The following SREBF1 variants were observed in gnomAD, a reference collection of about 807,000 sequenced individuals.
The protein encoded by SREBF1 is sterol regulatory element binding transcription factor 1.
Under a neutral mutation model 100.1 loss-of-function variants are expected in SREBF1, and 45 were observed. That is an observed-to-expected ratio of 0.45 (90% CI 0.35 to 0.58). The LOEUF is 0.58. Among genes scored for constraint, SREBF1 ranks in the 20% least tolerant of loss-of-function variants. The pLI is 0.00. For synonymous variants in SREBF1, 657 were observed against 681.8 expected (o/e 0.96, Z 0.57); for missense variants, 1,324 against 1,539.4 (o/e 0.86, Z 2.34).
intron 18 of SREBF1, 182 bp downstream of exon 18, chr17:17,813,186 C>T: frequency 1.5e-6 from 1 of 681,784 alleles, no homozygotes; most frequent in Non-Finnish European, 2.6e-6. Context: ...TCACTGCGGC[C>T]TCCAACTCCT....
intron 1 of SREBF1, among the ~76,000 whole-genome samples, chr17:17,829,030 T>C (rs1363614157): frequency 2.0e-5 from 3 of 151,340 alleles, no homozygotes; most frequent in African/African-American, 4.9e-5. Flanking sequence ...CAGCCTCTAC[T>C]AAAAATACAA....
chr17:17,818,443 GC>G (rs2033824588), intron 5 of SREBF1, 69 bp from the exon 6 acceptor site: 1 of 1,159,696 alleles, frequency 8.6e-7, no homozygotes, highest in African/African-American at 1.5e-5. Context: ...GGGTTGGAGA[GC>G]CCTAGCAAGG....
intron 13 of SREBF1, 132 bp downstream of exon 13, chr17:17,815,089 C>G (rs936352440): frequency 8.1e-7 from 1 of 1,229,146 alleles, no homozygotes; most frequent in African/African-American, 1.5e-5. Context: ...AGAGGAAACT[C>G]AGAGAGGAAT....
chr17:17,824,994 A>C lies in SREBF1; in HGVS notation c.92-4473T>G, dbSNP rs2034394217. Reference sequence around the variant, plus strand: ...TGTTCCCTCACCCCCAAAACAAAACACAGCATTGCTCTTGGCAAAGGCTCT... The same window carrying C: ...TGTTCCCTCACCCCCAAAACAAAACCCAGCATTGCTCTTGGCAAAGGCTCT... On this transcript the variant is annotated intron_variant, in intron 1 of 18. Coordinates refer to ENST00000261646, the MANE Select transcript of SREBF1 (RefSeq NM_004176.5). The surrounding 1 kb of genome is among the most constrained non-coding windows in gnomAD (Gnocchi z 4.2). Among the ~76,000 whole-genome samples, 1 of 152,100 alleles carries C rather than the reference A, an allele frequency of 6.6e-6. No individual in the cohort carries two copies. The highest frequency in any genetic ancestry group is 1.5e-5 in the Non-Finnish European group (1 of 68,004).
intron 1 of SREBF1, among the ~76,000 whole-genome samples, chr17:17,829,646 T>TTTTG (rs959518764): frequency 2.6e-5 from 4 of 152,068 alleles, no homozygotes; most frequent in Non-Finnish European, 5.9e-5. Flanking sequence ...AGCAGGTTCT[T>TTTTG]TTTGTTTGTT....
At position 17,816,006 on chromosome 17, in the gene SREBF1, C is replaced by T. The variant is rs2228461; in HGVS notation, c.2237G>A (p.Arg746His). ...GCCACTCTGTGCCAGGCAGGCCTGGCGGGCACTGCTCAGGAAGAAGCGCTG... is the reference window on the plus strand; with the variant it reads ...GCCACTCTGTGCCAGGCAGGCCTGGTGGGCACTGCTCAGGAAGAAGCGCTG... ...FLTRFFLSSA[R>H]QACLAQSGSV... Residue 746 changes from arginine to histidine, a missense_variant, in exon 12 of 19, where the codon CGC becomes CAC. Coordinates refer to ENST00000261646, the MANE Select transcript of SREBF1 (RefSeq NM_004176.5). The T allele has an allele frequency of 1.1e-5, 17 of 1,612,480 alleles. No homozygotes were observed. The highest frequency in any genetic ancestry group is 1.7e-5 in the Admixed American group (1 of 59,994).
intron 18 of SREBF1, 153 bp downstream of exon 18, chr17:17,813,215 C>A: frequency 1.3e-6 from 1 of 798,570 alleles, no homozygotes; most frequent in South Asian, 1.5e-5. Flanking sequence ...GCTGTCCTCC[C>A]AACTGAGCCT....
At chr17:17,815,037 G>A (rs556284190) in intron 13 of SREBF1, 93 bp from the exon 14 acceptor site, 4 of 1,328,518 alleles carry the variant, frequency 3.0e-6, no homozygotes, top group Non-Finnish European at 4.2e-6. Flanking sequence ...CTGGCCCCTG[G>A]CTCTGCAAAG....
Position 17,836,780 on chromosome 17 carries a change from T to C in SREBF1, c.38A>G (p.Gln13Arg). The change falls in exon 1 of 19, where the codon CAG becomes CGG. Residue 13 changes from glutamine (Q) to arginine (R), a missense_variant. Transcript: ENST00000261646. ...EPPFSEAALE[Q>R]ALGEPCDLDA... ...CAGATCGCACGGCTCGCCCAGCGCC[T>C]GCTCCAAAGCCGCCTCGCTGAAGGG... is the stretch of plus-strand genomic sequence containing the variant. The C allele has an allele frequency of 6.4e-7, 1 of 1,564,598 alleles. No homozygotes were observed.
At chr17:17,831,158 G>A (rs2034836490) in intron 1 of SREBF1, among the ~76,000 whole-genome samples, 1 of 55,466 alleles carries the variant, frequency 1.8e-5, no homozygotes, top group Admixed American at 1.5e-4. Context: ...GTTCTGTGCT[G>A]TAAGCTAGGG....
At position 17,816,196 on chromosome 17, in the gene SREBF1, A is replaced by ACCCCCCCCACCCCCGCCACCCCAC; in HGVS notation, c.2214+10_2214+11insGTGGGGTGGCGGGGGTGGGGGGGG. ...TGCAGGGATAAGCCCCCAGCCCCCC[A>ACCCCCCCCACCCCCGCCACCCCAC]ACCCACTCACTGTCAGAAAATGCAA... is the stretch of plus-strand genomic sequence containing the variant. On this transcript the variant is annotated intron_variant, in intron 11 of 18. Transcript: ENST00000261646. 9.3e-7 allele frequency: 1 copy of ACCCCCCCCACCCCCGCCACCCCAC among 1,077,040 alleles called. No homozygotes were observed. The highest frequency in any genetic ancestry group is 1.2e-6 in the Non-Finnish European group (1 of 839,678). 66.7% of individuals were successfully genotyped at this position (1,077,040 alleles called of 1,614,324 possible).
chr17:17,814,597 AACCTGCCGTGC>A lies in SREBF1; in HGVS notation c.2735+7_2735+17del. ...GCTGAGCCCGGGACCAGGCAGGAGG[AACCTGCCGTGC>A]ACTCACTCAGACTCCTGCAGCACCC... On this transcript the variant is annotated splice_region_variant and intron_variant, in intron 15 of 18. Transcript: ENST00000261646. 6.5e-7 allele frequency: 1 copy of A among 1,538,418 alleles called. No individual in the cohort carries two copies.
In SREBF1 at chr17:17,829,205, A is replaced by AATATATAT. The variant is rs71155305; in HGVS notation, c.91+7514_91+7521dup. 1.1e-3 allele frequency among the ~76,000 whole-genome samples: 74 copies of AATATATAT among 65,782 alleles called. 1 individual carries two copies. Among genetic ancestry groups the AATATATAT allele is most frequent in the African/African-American group, 6.1e-3 (69 of 11,354 alleles). 43.2% of individuals were successfully genotyped at this position (65,782 alleles called of 152,430 possible). On this transcript the variant is annotated intron_variant, in intron 1 of 18. Transcript: ENST00000261646. ...AGACTCCATCTTAAAAAAAAAAAAAAATATATATATATATATATATATATA... is the reference window on the plus strand; with the variant it reads ...AGACTCCATCTTAAAAAAAAAAAAAAATATATATATATATATATATATATATATATATA...
chr17:17,812,854 GCGCACACGAGGATGTGT>G lies in SREBF1; in HGVS notation c.3215-20_3215-4del. The G allele has an allele frequency of 2.0e-6, 3 of 1,473,822 alleles. No homozygotes were observed. The highest frequency in any genetic ancestry group is 2.7e-6 in the Non-Finnish European group (3 of 1,121,342). 91.3% of individuals were successfully genotyped at this position (1,473,822 alleles called of 1,614,324 possible). A position where few individuals can be genotyped will look rare whatever the true frequency, so the allele number is the denominator to read the frequency against. On this transcript the variant is annotated splice_polypyrimidine_tract_variant and splice_region_variant and intron_variant, in intron 18 of 18. Transcript: ENST00000261646. ...CGGCTCCAGCTCCGCCACCGCGCCT[GCGCACACGAGGATGTGT>G]CAGGGATGGGTCTCAAGCTGGCCAC...
At chr17:17,826,046 T>A (rs899577221) in intron 1 of SREBF1, among the ~76,000 whole-genome samples, 6 of 152,114 alleles carry the variant, frequency 3.9e-5, no homozygotes, top group Non-Finnish European at 7.4e-5. Flanking sequence ...CTTTAGCCCC[T>A]CCCTTGCTGT....
chr17:17,811,569 G>A lies in SREBF1; in HGVS notation c.*1053C>T, dbSNP rs1598104691. On this transcript the variant is annotated 3_prime_UTR_variant, in exon 19 of 19. Transcript: ENST00000261646. The stretch of plus-strand genomic sequence containing the variant: ...GGGGCATGAATGGAGTCAGGGAGTC[G>A]GCCTTTCACAGAACAGGAAACCTCC... 2.9e-6 allele frequency: 1 copy of A among 347,926 alleles called. No homozygotes were observed. Among genetic ancestry groups the A allele is most frequent in the Non-Finnish European group, 5.5e-6 (1 of 182,048 alleles). 21.6% of individuals were successfully genotyped at this position (347,926 alleles called of 1,614,324 possible).
rs371883515 is a variant in SREBF1, at chr17:17,814,604, C to T, written c.2735+11G>A. The T allele has an allele frequency of 1.4e-4, 222 of 1,539,058 alleles. No individual in the cohort carries two copies. Among genetic ancestry groups the T allele is most frequent in the African/African-American group, 9.6e-5 (7 of 73,038 alleles). On this transcript the variant is annotated intron_variant, in intron 15 of 18. Transcript: ENST00000261646. The stretch of plus-strand genomic sequence containing the variant: ...CCGGGACCAGGCAGGAGGAACCTGC[C>T]GTGCACTCACTCAGACTCCTGCAGC...
At chr17:17,823,798 G>C (rs923197979) in intron 1 of SREBF1, among the ~76,000 whole-genome samples, 1 of 151,242 alleles carries the variant, frequency 6.6e-6, no homozygotes, top group Admixed American at 6.6e-5. Context: ...GCCTCGCTAG[G>C]GCCCGGCCCC....
rs748930258 is a variant in SREBF1 at position 17,817,402 on chromosome 17, C to T, written c.1460G>A (p.Arg487His). The change falls in exon 8 of 19, where the codon CGC (arginine) becomes CAC (histidine). Residue 487 changes from arginine (R) to histidine (H), a missense_variant. Physicochemically the swap from Arg to His is conservative, Grantham distance 29 (BLOSUM62 0). Transcript: ENST00000261646. The surrounding 1 kb of genome is among the most constrained non-coding windows in gnomAD (Gnocchi z 6.6). The stretch of plus-strand genomic sequence containing the variant: ...GAAGACGAGCGTGCACAGGGCCAGG[C>T]GGGAGCGGTCCAGCATGCCCCGGCT... ...LHSRGMLDRS[R>H]LALCTLVFLC... The T allele has an allele frequency of 5.6e-6, 9 of 1,601,758 alleles. No homozygotes were observed. The highest frequency in any genetic ancestry group is 1.3e-5 in the African/African-American group (1 of 74,700).
Sources: gnomAD v4.1 joint callset for allele counts (sites outside exome capture counted in the v4.1 genomes callset) on GRCh38, gnomAD v4.1.1 for gene constraint, Gnocchi (gnomAD v3.1) non-coding constraint, MANE v1.5 for transcripts, NCBI Gene and HGNC (gene_info 2026-07-23, HGNC 2026-07-21) for gene names.